The following LRP5 variants were observed in gnomAD, a reference collection of about 807,000 sequenced individuals.
LRP5 encodes the protein low-density lipoprotein receptor-related protein 5.
In LRP5, 62 loss-of-function variants were observed where a neutral mutation model predicts 154.1. That is an observed-to-expected ratio of 0.40 (90% confidence interval 0.33 to 0.50). The LOEUF is 0.50. Ranked by LOEUF, LRP5 falls within the 20% of genes least tolerant of loss-of-function variation. The pLI, the probability that LRP5 is intolerant of heterozygous loss-of-function variation, is 0.55. For missense variants in LRP5, 1,915 were observed against 2,336.7 expected, an observed-to-expected ratio of 0.82 and a Z score of 3.72; for synonymous variants, 966 against 1,011.5, an observed-to-expected ratio of 0.96 and a Z score of 0.85.
intron 1 of LRP5, among the ~76,000 whole-genome samples, chr11:68,317,078 G>A (rs949435763): frequency 6.6e-6 from 1 of 152,368 alleles, no homozygotes; most frequent in Admixed American, 6.5e-5. Flanking sequence ...CCGCCCTGGA[G>A]GGCTGTCCTG....
At position 68,395,559 on chromosome 11, in the gene LRP5, C is replaced by T. The variant is rs549277629; in HGVS notation, c.1584+5507C>T. ...GGTGCCTCACTGCAGGCCTTCTCAG[C>T]GCCCTTTATATGCTTACACAGGCTG... is the stretch of plus-strand genomic sequence containing the variant. On this transcript the variant is annotated intron_variant, in intron 7 of 22. Coordinates refer to ENST00000294304, the MANE Select transcript of LRP5 (RefSeq NM_002335.4). 6.7e-4 allele frequency among the ~76,000 whole-genome samples: 102 copies of T among 152,124 alleles called. 2 individuals are homozygous for T. The highest frequency in any genetic ancestry group is 2.3e-3 in the African/African-American group (95 of 41,486).
In LRP5 at chr11:68,346,642, C is replaced by T. The variant is rs751810950; in HGVS notation, c.92-1205C>T. On this transcript the variant is annotated intron_variant, in intron 1 of 22. Transcript: ENST00000294304. ...GGAGTGTGGGGTTGGCTGGGCTCCC[C>T]CATCTGCGCAGGAGGACCCAGGGGT... is the stretch of plus-strand genomic sequence containing the variant. Among the ~76,000 whole-genome samples the T allele has an allele frequency of 9.5e-3, 1,449 of 152,330 alleles. 11 individuals carry two copies. The highest frequency in any genetic ancestry group is 0.015 in the Non-Finnish European group (997 of 68,016).
At chr11:68,379,314 T>C (rs969476801) in intron 5 of LRP5, among the ~76,000 whole-genome samples, 5 of 152,222 alleles carry the variant, frequency 3.3e-5, no homozygotes, top group African/African-American at 1.2e-4. Flanking sequence ...GTCTTGAGTT[T>C]TGCTGTTCTT....
At chr11:68,443,454 C>T (rs1303337366) in intron 21 of LRP5, among the ~76,000 whole-genome samples, 3 of 129,018 alleles carry the variant, frequency 2.3e-5, no homozygotes, top group Non-Finnish European at 3.2e-5. Context: ...CGCGCCATTG[C>T]ACTCCAGCCT....
rs1438830623 is a variant in LRP5, at chr11:68,400,468, C to G, written c.1585-3015C>G. Reference sequence around the variant, plus strand: ...GGCGCGGTGGCTCACGCCTGTAAATCCCAGTACTTTGGGAGGCTGAGGCGG... The same window carrying G: ...GGCGCGGTGGCTCACGCCTGTAAATGCCAGTACTTTGGGAGGCTGAGGCGG... On this transcript the variant is annotated intron_variant, in intron 7 of 22. Transcript: ENST00000294304. 2.6e-5 allele frequency among the ~76,000 whole-genome samples: 4 copies of G among 152,126 alleles called. No homozygotes were observed. In the East Asian group the frequency reaches 7.7e-4, roughly 29 times the overall value.
chr11:68,302,345 CAAAAAAAA>C, the LRP5 span, among the ~76,000 whole-genome samples: 5 of 84,438 alleles, frequency 5.9e-5, no homozygotes, highest in African/African-American at 2.0e-4. Context: ...GACTCCATCT[CAAAAAAAA>C]AAAAAAAAAA....
intron 1 of LRP5, among the ~76,000 whole-genome samples, chr11:68,334,105 G>A (rs868290538): frequency 6.6e-6 from 1 of 152,172 alleles, no homozygotes; most frequent in Non-Finnish European, 1.5e-5. Flanking sequence ...GTGGTGGTGG[G>A]CACCTGTAAT....
At chr11:68,361,304 CA>C (rs111416748) in intron 3 of LRP5, among the ~76,000 whole-genome samples, 3,569 of 122,554 alleles carry the variant, frequency 0.029, 129 homozygotes, top group African/African-American at 0.093. Flanking sequence ...GACTCTGTCT[CA>C]AAAAAAAAAA....
chr11:68,409,073 AATATAT>A (rs1174773377), intron 9 of LRP5, among the ~76,000 whole-genome samples: 1 of 44,188 alleles, frequency 2.3e-5, no homozygotes, highest in African/African-American at 1.3e-4. Context: ...AAAAAAAAAA[AATATAT>A]ATATATATAT....
At position 68,365,386 on chromosome 11, in the gene LRP5, C is replaced by CG. The variant is rs71043427; in HGVS notation, c.884-182dup. 1 allele frequency among the ~76,000 whole-genome samples: 152,036 copies of CG among 152,046 alleles called. 76,013 individuals are homozygous for CG. Among genetic ancestry groups the CG allele is most frequent in the Middle Eastern group, 1 (294 of 294 alleles). ...GGCCAGGCTGAGGGCCCCATGTGGA[C>CG]GGGCCAGCGATGAGGCAGGTGGAAT... On this transcript the variant is annotated intron_variant, in intron 4 of 22. Coordinates refer to ENST00000294304, the MANE Select transcript of LRP5 (RefSeq NM_002335.4).
intron 20 of LRP5, 21 bp from the exon 21 acceptor site, chr11:68,439,756 C>A (rs559148998): frequency 6.2e-7 from 1 of 1,605,778 alleles, no homozygotes; most frequent in Non-Finnish European, 8.5e-7. Context: ...CACCTGACCT[C>A]CCCCGTCCCT....
chr11:68,393,220 C>T (rs914682722), intron 7 of LRP5, among the ~76,000 whole-genome samples: 5 of 151,910 alleles, frequency 3.3e-5, no homozygotes, highest in African/African-American at 1.2e-4. Context: ...GTCTGTTTAT[C>T]GGGTGGTGGG....
rs1311935185 is a variant in LRP5, at chr11:68,423,583, C to T, written c.3122C>T (p.Thr1041Met). 5 of 1,614,106 alleles carry T rather than the reference C, an allele frequency of 3.1e-6. No individual in the cohort carries two copies. The highest frequency in any genetic ancestry group is 4.2e-6 in the Non-Finnish European group (5 of 1,180,032). The change falls in exon 14 of 23, where the codon ACG becomes ATG. Residue 1041 changes from threonine to methionine, a missense_variant. Transcript: ENST00000294304. This position sits in a 1 kb window ranked among gnomAD's most constrained non-coding sequence, Gnocchi z 4.7. Reference protein sequence around the residue: ...IDIYSRTLFWTCEATNTINVH... With the variant: ...IDIYSRTLFWMCEATNTINVH... ...ATCTACAGCCGGACACTGTTCTGGA[C>T]GTGCGAGGCCACCAATACCATCAAC...
At chr11:68,412,057 A>G (rs762065081) in intron 11 of LRP5, among the ~76,000 whole-genome samples, 1 of 152,118 alleles carries the variant, frequency 6.6e-6, no homozygotes, top group Non-Finnish European at 1.5e-5. Flanking sequence ...GAACCCCACC[A>G]TGTGCTGGGA....
chr11:68,384,947 C>G (rs1248172513), intron 5 of LRP5, among the ~76,000 whole-genome samples: 1 of 152,220 alleles, frequency 6.6e-6, no homozygotes, highest in Non-Finnish European at 1.5e-5. Flanking sequence ...CTCAGATGCT[C>G]TCAGAGTGTT....
chr11:68,345,010 G>A (rs556432693), intron 1 of LRP5, among the ~76,000 whole-genome samples: 5 of 151,564 alleles, frequency 3.3e-5, no homozygotes, highest in Admixed American at 6.6e-5. Flanking sequence ...CTACAGGCGC[G>A]TGCCACCATG....
In LRP5 at chr11:68,423,657, C is replaced by T. The variant is rs201285828; in HGVS notation, c.3196C>T (p.Arg1066Cys). The T allele has an allele frequency of 1.9e-5, 31 of 1,613,802 alleles. 1 individual carries two copies. The highest frequency in any genetic ancestry group is 3.3e-4 in the Middle Eastern group (2 of 6,062). ...EAMGVVLRGD[R>C]DKPRAIVVNA... Reference sequence around the variant, plus strand: ...CATGGGGGTGGTGCTGCGTGGGGACCGCGACAAGCCCAGGGCCATCGTCGT... The same window carrying T: ...CATGGGGGTGGTGCTGCGTGGGGACTGCGACAAGCCCAGGGCCATCGTCGT... Residue 1066 changes from arginine to cysteine, a missense_variant, in exon 14 of 23, where the codon CGC becomes TGC. Physicochemically the swap from Arg to Cys is radical, Grantham distance 180. Coordinates refer to ENST00000294304, the MANE Select transcript of LRP5 (RefSeq NM_002335.4). The surrounding 1 kb of genome is among the most constrained non-coding windows in gnomAD (Gnocchi z 4.7).
At chr11:68,410,735 G>A (rs912412898) in intron 10 of LRP5, among the ~76,000 whole-genome samples, 7 of 152,210 alleles carry the variant, frequency 4.6e-5, no homozygotes, top group African/African-American at 9.6e-5. Context: ...GGCCCCAGAT[G>A]TGTGGGGCGT....
At chr11:68,341,469 A>G (rs1307271551) in intron 1 of LRP5, among the ~76,000 whole-genome samples, 1 of 151,988 alleles carries the variant, frequency 6.6e-6, no homozygotes, top group African/African-American at 2.4e-5. Flanking sequence ...TACGCTGCCC[A>G]GAGGTCAGGC....
Sources: gnomAD v4.1 joint callset for allele counts (sites outside exome capture counted in the v4.1 genomes callset) on GRCh38, gnomAD v4.1.1 for gene constraint, Gnocchi (gnomAD v3.1) non-coding constraint, MANE v1.5 for transcripts, NCBI Gene and HGNC (gene_info 2026-07-23, HGNC 2026-07-21) for gene names.